Variants in ARHGAP6 observed in about 807,000 individuals in gnomAD.
The protein encoded by ARHGAP6 is rho GTPase-activating protein 6.
ARHGAP6 carries 16 observed loss-of-function variants against 55.7 expected under a neutral mutation model. The observed-to-expected ratio is 0.29, with a 90% CI of 0.19 to 0.44. The LOEUF (loss-of-function observed/expected upper bound fraction) is 0.44. Among genes scored for constraint, ARHGAP6 ranks in the 20% least tolerant of loss-of-function variants. The pLI, the probability that ARHGAP6 is intolerant of heterozygous loss-of-function variation, is 1.00. For synonymous variants in ARHGAP6, 382 were observed against 360.9 expected (o/e 1.06, Z -0.66); for missense variants, 698 against 808.9 (o/e 0.86, Z 1.66).
chrX:11,422,346 T>C (rs1320872044), intron 1 of ARHGAP6, among the ~76,000 whole-genome samples: 1 of 110,824 alleles, frequency 9.0e-6, no homozygotes, highest in East Asian at 2.8e-4. Context: ...CTGGTCGCAT[T>C]TGAGGAACAG....
Position 11,361,897 on chromosome X carries a change from C to T in ARHGAP6, c.589-107190G>A, listed in dbSNP as rs763826448. 7.7e-3 allele frequency among the ~76,000 whole-genome samples: 866 copies of T among 111,879 alleles called. 7 individuals are homozygous for T. Among genetic ancestry groups the T allele is most frequent in the African/African-American group, 0.025 (783 of 30,721 alleles). On this transcript the variant is annotated intron_variant, in intron 1 of 12. Coordinates refer to ENST00000337414, the MANE Select transcript of ARHGAP6 (RefSeq NM_013427.3). The stretch of plus-strand genomic sequence containing the variant: ...GACATTTATGCAGCCAAAAGACACA[C>T]GACAAAATGCTCATCATCACTGGCC...
At chrX:11,601,400 G>C (rs1298322221) in intron 1 of ARHGAP6, among the ~76,000 whole-genome samples, 1 of 111,133 alleles carries the variant, frequency 9.0e-6, no homozygotes, top group Non-Finnish European at 1.9e-5. Context: ...ATGGTGGGAG[G>C]GTAAAGAATC....
intron 1 of ARHGAP6, among the ~76,000 whole-genome samples, chrX:11,442,161 C>A (rs1396722859): frequency 9.1e-6 from 1 of 110,206 alleles, no homozygotes; most frequent in African/African-American, 3.3e-5. Flanking sequence ...ATTATTACAT[C>A]CCTTCTATTC....
At chrX:11,443,692 G>A (rs778745307) in intron 1 of ARHGAP6, among the ~76,000 whole-genome samples, 1 of 112,352 alleles carries the variant, frequency 8.9e-6, no homozygotes, top group Admixed American at 9.4e-5. Context: ...ACTTTGGGAG[G>A]CCGAAGTGGG....
chrX:11,294,645 T>G, intron 1 of ARHGAP6: 2 of 710,652 alleles, frequency 2.8e-6, no homozygotes, highest in East Asian at 6.4e-5. Flanking sequence ...ATGACTGAAG[T>G]AAATTCACAA....
chrX:11,491,185 C>A (rs1336190572), intron 1 of ARHGAP6, among the ~76,000 whole-genome samples: 2 of 111,937 alleles, frequency 1.8e-5, no homozygotes, highest in Middle Eastern at 4.6e-3. Context: ...ATAAACAGAA[C>A]AAATCAAAAA....
chrX:11,359,527 G>A (rs1009647474), intron 1 of ARHGAP6, among the ~76,000 whole-genome samples: 1 of 111,958 alleles, frequency 8.9e-6, no homozygotes, highest in Non-Finnish European at 1.9e-5. Flanking sequence ...CTAAAAATGT[G>A]TATCAGTACC....
intron 2 of ARHGAP6, among the ~76,000 whole-genome samples, chrX:11,230,300 C>T (rs1044951670): frequency 9.0e-6 from 1 of 111,543 alleles, no homozygotes; most frequent in African/African-American, 3.3e-5. Flanking sequence ...CGAGTTCAAG[C>T]GATTCTCCTC....
intron 1 of ARHGAP6, among the ~76,000 whole-genome samples, chrX:11,591,075 C>T (rs1320332187): frequency 1.8e-5 from 2 of 108,397 alleles, no homozygotes; most frequent in Non-Finnish European, 3.8e-5. Flanking sequence ...GCCTGTAGTC[C>T]CAGCTACTCC....
chrX:11,657,661 A>C (rs2052653465), intron 1 of ARHGAP6, among the ~76,000 whole-genome samples: 1 of 111,478 alleles, frequency 9.0e-6, no homozygotes, highest in African/African-American at 3.3e-5. Context: ...TGGGAGCTCA[A>C]CTACAAGATT....
intron 1 of ARHGAP6, among the ~76,000 whole-genome samples, chrX:11,289,430 G>A (rs1331403871): frequency 9.0e-6 from 1 of 111,150 alleles, no homozygotes; most frequent in East Asian, 2.8e-4. Flanking sequence ...TTTAAACCTC[G>A]GCTACCCAGA....
At chrX:11,596,781 G>A (rs1220309190) in intron 1 of ARHGAP6, among the ~76,000 whole-genome samples, 1 of 111,223 alleles carries the variant, frequency 9.0e-6, no homozygotes, top group Non-Finnish European at 1.9e-5. Flanking sequence ...GATACTCAAA[G>A]GTTTCAAAGC....
At chrX:11,149,674 T>A (rs1026302305) in intron 10 of ARHGAP6, among the ~76,000 whole-genome samples, 3 of 111,850 alleles carry the variant, frequency 2.7e-5, no homozygotes, top group African/African-American at 6.5e-5. Context: ...TCCATGTTTG[T>A]GAAAAAAGAT....
At chrX:11,615,550 T>G (rs979824035) in intron 1 of ARHGAP6, among the ~76,000 whole-genome samples, 7 of 112,010 alleles carry the variant, frequency 6.2e-5, no homozygotes, top group African/African-American at 2.3e-4. Context: ...ATCAACTCAT[T>G]GAAAAGACCC....
intron 1 of ARHGAP6, among the ~76,000 whole-genome samples, chrX:11,484,517 G>GAAAAGAAGAAAA (rs1235863728): frequency 9.3e-6 from 1 of 107,428 alleles, no homozygotes; most frequent in African/African-American, 3.4e-5. Context: ...AAAAAAGGAA[G>GAAAAGAAGAAAA]AAGGAGGCAG....
chrX:11,411,183 T>TATATATATATATATA, intron 1 of ARHGAP6, among the ~76,000 whole-genome samples: 1 of 31,791 alleles, frequency 3.1e-5, no homozygotes, highest in South Asian at 2.3e-3. Context: ...CAGACATTAT[T>TATATATATATATATA]TATATATATA....
At chrX:11,364,840 C>T (rs1044689083) in intron 1 of ARHGAP6, among the ~76,000 whole-genome samples, 1 of 111,311 alleles carries the variant, frequency 9.0e-6, no homozygotes, top group Non-Finnish European at 1.9e-5. Context: ...TCTCAACTAG[C>T]TTACTTTTCT....
chrX:11,611,001 T>C (rs1413198653), intron 1 of ARHGAP6, among the ~76,000 whole-genome samples: 1 of 112,913 alleles, frequency 8.9e-6, no homozygotes, highest in Non-Finnish European at 1.9e-5. Flanking sequence ...CATATACCAG[T>C]ACTTCATTTT....
At chrX:11,147,144 C>T (rs1382046105) in intron 10 of ARHGAP6, among the ~76,000 whole-genome samples, 2 of 112,136 alleles carry the variant, frequency 1.8e-5, no homozygotes, top group Non-Finnish European at 3.8e-5. Flanking sequence ...ACCCAACACA[C>T]ACGCACATAC....
Sources: gnomAD v4.1 joint callset for allele counts (sites outside exome capture counted in the v4.1 genomes callset) on GRCh38, gnomAD v4.1.1 for gene constraint, MANE v1.5 for transcripts, NCBI Gene and HGNC (gene_info 2026-07-23, HGNC 2026-07-21) for gene names.